CASK: variants seen among roughly 807,000 people sequenced by gnomAD.
CASK encodes the protein calcium/calmodulin dependent serine protein kinase.
In CASK, 4 loss-of-function variants were observed where a neutral mutation model predicts 82.9. The ratio of observed to expected loss-of-function variants is 0.05; its 90% CI spans 0.02 to 0.11. The LOEUF (loss-of-function observed/expected upper bound fraction) is 0.11. CASK is among the 10% of genes least tolerant of loss of function. The pLI, the probability that CASK is intolerant of heterozygous loss-of-function variation, is 1.00. For missense variants in CASK, 358 were observed against 720.9 expected, an observed-to-expected ratio of 0.50 and a Z score of 5.76; for synonymous variants, 259 against 253.5, an observed-to-expected ratio of 1.02 and a Z score of -0.20.
At chrX:41,578,992 T>C (rs2065524864) in intron 14 of CASK, among the ~76,000 whole-genome samples, 2 of 112,179 alleles carry the variant, frequency 1.8e-5, no homozygotes, top group South Asian at 7.3e-4. Flanking sequence ...GTCAGAGGTG[T>C]TATCAACTAA....
intron 12 of CASK, among the ~76,000 whole-genome samples, chrX:41,607,929 T>C (rs1038930167): frequency 8.9e-6 from 1 of 112,216 alleles, no homozygotes; most frequent in East Asian, 2.8e-4. Flanking sequence ...TTCTATTCTG[T>C]TAAGCCACTC....
At chrX:41,915,990 AACAC>A (rs200862362) in intron 1 of CASK, among the ~76,000 whole-genome samples, 15 of 105,225 alleles carry the variant, frequency 1.4e-4, no homozygotes, top group South Asian at 4.2e-4. Context: ...TCCGTCTCAA[AACAC>A]ACACACACAC....
chrX:41,857,568 C>A (rs1445288873), intron 1 of CASK, among the ~76,000 whole-genome samples: 1 of 111,975 alleles, frequency 8.9e-6, no homozygotes, highest in Non-Finnish European at 1.9e-5. Context: ...AAAACCAGAA[C>A]TTTCAGAAAA....
chrX:41,884,618 T>TGAGACAGTCATGTGATACAGCTTG (rs1370497397), intron 1 of CASK, among the ~76,000 whole-genome samples: 1 of 112,252 alleles, frequency 8.9e-6, no homozygotes, highest in African/African-American at 3.2e-5. Flanking sequence ...TTGCAGTAGA[T>TGAGACAGTCATGTGATACAGCTTG]GAGACAGTCA....
chrX:41,778,293 T>C (rs62589176), intron 3 of CASK, among the ~76,000 whole-genome samples: 20,640 of 107,804 alleles, frequency 0.19, 1,644 homozygotes, highest in Middle Eastern at 0.31. Context: ...TGCAGTGGTG[T>C]GATCTCGGCT....
At chrX:41,878,108 CA>C (rs2071867509) in intron 1 of CASK, among the ~76,000 whole-genome samples, 1 of 108,276 alleles carries the variant, frequency 9.2e-6, no homozygotes, top group South Asian at 4.0e-4. Flanking sequence ...TTTAAAGCAC[CA>C]ACTTCTTCAC....
intron 18 of CASK, 39 bp from the exon 19 acceptor site, chrX:41,557,139 G>A (rs1343276601): frequency 2.9e-5 from 29 of 1,008,561 alleles, no homozygotes; most frequent in Non-Finnish European, 4.1e-5. Flanking sequence ...CAGAACACCA[G>A]CACAGAAACA....
chrX:41,548,613 C>A (rs774892151), intron 21 of CASK, among the ~76,000 whole-genome samples: 1 of 111,532 alleles, frequency 9.0e-6, no homozygotes, highest in African/African-American at 3.3e-5. Flanking sequence ...ATATTACCCA[C>A]GTGGCATACA....
chrX:41,840,204 T>C (rs1457544549), intron 2 of CASK, among the ~76,000 whole-genome samples: 2 of 112,125 alleles, frequency 1.8e-5, no homozygotes, highest in East Asian at 5.6e-4. Context: ...TGAGTCTTCT[T>C]ATCCACAAAC....
chrX:41,745,158 C>G (rs2068666481), intron 4 of CASK, among the ~76,000 whole-genome samples: 1 of 111,751 alleles, frequency 8.9e-6, no homozygotes, highest in Non-Finnish European at 1.9e-5. Context: ...GCTGGGACTA[C>G]AGGTGCATGC....
chrX:41,542,138 G>A (rs1307586356), intron 22 of CASK, among the ~76,000 whole-genome samples: 1 of 112,521 alleles, frequency 8.9e-6, no homozygotes, highest in Non-Finnish European at 1.9e-5. Flanking sequence ...TGCTCTTGTG[G>A]TAGCTTGGAA....
chrX:41,660,305 C>G, intron 8 of CASK, 134 bp downstream of exon 8: 1 of 545,083 alleles, frequency 1.8e-6, no homozygotes, highest in Non-Finnish European at 3.2e-6. Flanking sequence ...GAACAGCAAA[C>G]AAGATGAAAA....
At chrX:41,866,327 G>C (rs1032969801) in intron 1 of CASK, among the ~76,000 whole-genome samples, 6 of 112,456 alleles carry the variant, frequency 5.3e-5, no homozygotes, top group African/African-American at 1.9e-4. Context: ...TCTAGCCAGA[G>C]AAAGCAGGCT....
chrX:41,919,914 A>C (rs1022093216), intron 1 of CASK, among the ~76,000 whole-genome samples: 1 of 112,340 alleles, frequency 8.9e-6, no homozygotes, highest in East Asian at 2.8e-4. Flanking sequence ...TATTCCAAAT[A>C]ATGATCTTAT....
At chrX:41,745,457 G>T in intron 4 of CASK, 67 bp downstream of exon 4, 1 of 708,673 alleles carries the variant, frequency 1.4e-6, no homozygotes, top group Non-Finnish European at 2.2e-6. Flanking sequence ...TTTGTCATGT[G>T]ATGTCTTTGT....
chrX:41,743,831 C>A (rs1007771686), intron 4 of CASK: 8 of 282,199 alleles, frequency 2.8e-5, no homozygotes, highest in African/African-American at 2.2e-4. Context: ...AGGCTAGGAA[C>A]AGTAGGTAGT....
intron 10 of CASK, among the ~76,000 whole-genome samples, chrX:41,624,944 G>A (rs1353091529): frequency 4.5e-5 from 5 of 110,560 alleles, no homozygotes; most frequent in Non-Finnish European, 9.4e-5. Context: ...GACAAATATG[G>A]AGTGGCTCTA....
rs41298460 is a variant in CASK at position 41,517,971 on chromosome X, G to C, written c.*2449C>G. 1.2e-3 allele frequency: 489 copies of C among 408,902 alleles called. 3 individuals are homozygous for C. Among genetic ancestry groups the C allele is most frequent in the African/African-American group, 0.012 (468 of 39,619 alleles). The allele number at this position is 408,902 out of a possible 1,213,427, so 33.7% of individuals were successfully genotyped here. On this transcript the variant is annotated 3_prime_UTR_variant, in exon 27 of 27. Transcript: ENST00000378163. ...TTCTGCATGCAGGGATTTCACCATC[G>C]GAATGATGGCAAGAATGATGCCTGC...
chrX:41,676,394 G>T, intron 5 of CASK: 2 of 1,198,714 alleles, frequency 1.7e-6, no homozygotes, highest in African/African-American at 1.7e-5. Context: ...GGATAATTCA[G>T]CTCCTTGCTC....
Sources: allele counts gnomAD v4.1 joint callset (sites outside exome capture counted in the v4.1 genomes callset), GRCh38; gene constraint gnomAD v4.1.1; transcripts MANE v1.5; gene names NCBI Gene and HGNC (gene_info 2026-07-23, HGNC 2026-07-21).